SMC5: variants seen among roughly 807,000 people sequenced by gnomAD.
SMC5 encodes structural maintenance of chromosomes protein 5.
Under a neutral mutation model 148.3 loss-of-function variants are expected in SMC5, and 88 were observed. The observed-to-expected ratio is 0.59, with a 90% CI of 0.50 to 0.71. SMC5 has a LOEUF of 0.71. Ranked by LOEUF, SMC5 falls within the 30% of genes least tolerant of loss-of-function variation. The probability of loss-of-function intolerance (pLI) is 0.00; values close to 1 mark genes in which losing one functional copy is unlikely to be tolerated. For missense variants in SMC5, 1,142 were observed against 1,298.9 expected, an observed-to-expected ratio of 0.88 and a Z score of 1.86; for synonymous variants, 421 against 432.8, an observed-to-expected ratio of 0.97 and a Z score of 0.34.
chr9:70,351,869 A>G (rs11999862), intron 24 of SMC5, among the ~76,000 whole-genome samples: 12,188 of 152,112 alleles, frequency 0.08, 596 homozygotes, highest in African/African-American at 0.14. Context: ...TGAGGTCAGG[A>G]GTTCGAGACC....
chr9:70,268,586 C>G (rs1587618169), intron 3 of SMC5, among the ~76,000 whole-genome samples: 1 of 147,390 alleles, frequency 6.8e-6, no homozygotes, highest in Admixed American at 6.8e-5. Context: ...ATATTTTTCA[C>G]AAATTTAAAG....
chr9:70,328,421 A>C (rs543776486), intron 17 of SMC5, among the ~76,000 whole-genome samples: 1 of 152,212 alleles, frequency 6.6e-6, no homozygotes, highest in Non-Finnish European at 1.5e-5. Context: ...AAATCAGCCA[A>C]AACGAAGGAA....
intron 15 of SMC5, among the ~76,000 whole-genome samples, chr9:70,320,845 T>G (rs928380653): frequency 2.0e-5 from 3 of 152,212 alleles, no homozygotes; most frequent in Admixed American, 6.5e-5. Flanking sequence ...TTTTAAAAAT[T>G]TCAATTGCAT....
rs186303208 is a variant in SMC5, at chr9:70,318,460, T to C, written c.1807-54T>C. 1.6e-3 allele frequency: 2,091 copies of C among 1,341,984 alleles called. 3 individuals are homozygous for C. Among genetic ancestry groups the C allele is most frequent in the Admixed American group, 1.9e-3 (78 of 40,402 alleles). The allele number at this position is 1,341,984 out of a possible 1,614,324, so 83.1% of individuals were successfully genotyped here. On this transcript the variant is annotated intron_variant, in intron 13 of 24. Transcript: ENST00000361138. ...TTGGTCTGTATTTCTAATTTAGTAC[T>C]TTAAAACATATAATTTATATTAGAT...
chr9:70,323,385 T>C, intron 15 of SMC5, 98 bp from the exon 16 acceptor site: 1 of 1,206,990 alleles, frequency 8.3e-7, no homozygotes, highest in East Asian at 2.5e-5. Flanking sequence ...CTGAAAAGTA[T>C]TGCTAAATAT....
intron 22 of SMC5, among the ~76,000 whole-genome samples, chr9:70,349,042 A>T (rs1231504974): frequency 6.6e-6 from 1 of 150,898 alleles, no homozygotes; most frequent in African/African-American, 2.5e-5. Context: ...CAATTAATAG[A>T]TAACCTTTAA....
At chr9:70,307,664 G>A (rs1001584174) in intron 11 of SMC5, among the ~76,000 whole-genome samples, 3 of 151,918 alleles carry the variant, frequency 2.0e-5, no homozygotes, top group Admixed American at 6.6e-5. Context: ...CACCGTGCCC[G>A]GCTAATTTTT....
At chr9:70,315,053 T>C (rs1017791519) in intron 12 of SMC5, among the ~76,000 whole-genome samples, 4 of 151,982 alleles carry the variant, frequency 2.6e-5, no homozygotes, top group African/African-American at 9.7e-5. Context: ...AACTATTTAA[T>C]AAAAGATGCT....
At chr9:70,274,765 G>A (rs1378702489) in intron 3 of SMC5, among the ~76,000 whole-genome samples, 1 of 151,828 alleles carries the variant, frequency 6.6e-6, no homozygotes, top group African/African-American at 2.4e-5. Flanking sequence ...AGTGGTTACT[G>A]GAATTTTAGC....
At chr9:70,335,173 A>G (rs2036326293) in intron 17 of SMC5, among the ~76,000 whole-genome samples, 1 of 152,208 alleles carries the variant, frequency 6.6e-6, no homozygotes, top group Non-Finnish European at 1.5e-5. Flanking sequence ...ACAAATGTGT[A>G]ACAGCTGTCT....
chr9:70,278,909 T>TTTCA (rs1422006586), intron 5 of SMC5, among the ~76,000 whole-genome samples: 3 of 152,212 alleles, frequency 2.0e-5, no homozygotes, highest in Non-Finnish European at 4.4e-5. Context: ...GAAGTTATTC[T>TTTCA]TTCATTCATT....
chr9:70,329,504 A>C (rs553436266), intron 17 of SMC5, among the ~76,000 whole-genome samples: 6 of 152,120 alleles, frequency 3.9e-5, no homozygotes, highest in Admixed American at 1.3e-4. Flanking sequence ...ACATAGCAAG[A>C]GTGACGTTTA....
chr9:70,268,606 T>G (rs1349925649), intron 3 of SMC5, among the ~76,000 whole-genome samples: 1 of 147,962 alleles, frequency 6.8e-6, no homozygotes, highest in Non-Finnish European at 1.5e-5. Context: ...GTATCTGGGT[T>G]TTTTTTTTTT....
chr9:70,350,893 T>A (rs1564076807), intron 24 of SMC5, among the ~76,000 whole-genome samples: 1 of 152,228 alleles, frequency 6.6e-6, no homozygotes, highest in Non-Finnish European at 1.5e-5. Context: ...CACAGGTTAA[T>A]TCTGATAAAA....
At chr9:70,286,738 T>G (rs1451022424) in intron 8 of SMC5, 1 of 135,512 alleles carries the variant, frequency 7.4e-6, no homozygotes, top group African/African-American at 2.9e-5. Flanking sequence ...TTTTTTTTTT[T>G]GAGACAGGGT....
At chr9:70,298,864 A>G (rs1587660250) in intron 9 of SMC5, among the ~76,000 whole-genome samples, 1 of 151,828 alleles carries the variant, frequency 6.6e-6, no homozygotes, top group East Asian at 1.9e-4. Flanking sequence ...TTCCATATAT[A>G]TCATATTCTT....
At position 70,347,214 on chromosome 9, in the gene SMC5, C is replaced by T; in HGVS notation, c.2664+53C>T. On this transcript the variant is annotated intron_variant, in intron 20 of 24. Coordinates refer to ENST00000361138, the MANE Select transcript of SMC5 (RefSeq NM_015110.4). ...GCATCCAACCACCACCACCACCCTC[C>T]CCATACACACACATACACACACAGA... is the stretch of plus-strand genomic sequence containing the variant. 3.5e-6 allele frequency: 5 copies of T among 1,416,340 alleles called. No individual in the cohort carries two copies. The South Asian group carries it at 4.7e-5, about 13-fold the overall frequency. The allele number at this position is 1,416,340 out of a possible 1,614,324, so 87.7% of individuals were successfully genotyped here. A position where few individuals can be genotyped will look rare whatever the true frequency, so the allele number is the denominator to read the frequency against.
chr9:70,347,964 A>G lies in SMC5; in HGVS notation c.2815A>G (p.Ile939Val), dbSNP rs2036709769. Residue 939 changes from isoleucine (I) to valine (V), a missense_variant, in exon 22 of 25, where the codon ATT becomes GTT. This residue lies in a region of SMC5 where 743 missense variants were observed against 835.7 expected (regional missense o/e 0.89). Coordinates refer to ENST00000361138, the MANE Select transcript of SMC5 (RefSeq NM_015110.4). ...TCCTTTAAAAGAGCTGGTAGAAAAA[A>G]TTAATGAAAAATTCAGCAATTTTTT... Reference protein sequence around the residue: ...LNPLKELVEKINEKFSNFFSS... With the variant: ...LNPLKELVEKVNEKFSNFFSS... 1 of 1,607,290 alleles carries G rather than the reference A, an allele frequency of 6.2e-7. No individual in the cohort carries two copies. The highest frequency in any genetic ancestry group is 1.1e-5 in the South Asian group (1 of 89,642).
At chr9:70,322,364 G>T (rs1242824284) in intron 15 of SMC5, among the ~76,000 whole-genome samples, 1 of 152,176 alleles carries the variant, frequency 6.6e-6, no homozygotes, top group Non-Finnish European at 1.5e-5. Flanking sequence ...ATTTTTCACA[G>T]TGAGATGACT....
Sources: gnomAD v4.1 joint callset for allele counts (sites outside exome capture counted in the v4.1 genomes callset) on GRCh38, gnomAD v4.1.1 for gene constraint, gnomAD v4.1.1 regional missense constraint, MANE v1.5 for transcripts, NCBI Gene and HGNC (gene_info 2026-07-23, HGNC 2026-07-21) for gene names.